Variants in ZNF215 observed in about 807,000 individuals in gnomAD.
ZNF215 encodes the protein zinc finger protein 215.
A neutral mutation model predicts 27.2 loss-of-function variants in ZNF215; 24 were observed. The observed-to-expected ratio is 0.88, with a 90% CI of 0.64 to 1.24. The LOEUF is 1.24. Ranked by LOEUF, ZNF215 falls within the 50% of genes most tolerant of loss-of-function variation. The pLI, the probability that ZNF215 is intolerant of heterozygous loss-of-function variation, is 0.00. For missense variants in ZNF215, 675 were observed against 605.7 expected, an observed-to-expected ratio of 1.11 and a Z score of -1.20; for synonymous variants, 210 against 204.0, an observed-to-expected ratio of 1.03 and a Z score of -0.25.
chr11:6,939,354 G>A (rs1849554728), intron 3 of ZNF215, among the ~76,000 whole-genome samples: 1 of 152,186 alleles, frequency 6.6e-6, no homozygotes, highest in African/African-American at 2.4e-5. Flanking sequence ...GTCATTCACA[G>A]TACATTAGGC....
chr11:6,979,503 A>G (rs955960319), intron 5 of ZNF215, among the ~76,000 whole-genome samples: 1 of 152,036 alleles, frequency 6.6e-6, no homozygotes, highest in African/African-American at 2.4e-5. Context: ...CTGTGTAAGC[A>G]GGAAAGACAA....
chr11:6,969,932 C>G (rs1019907461), intron 5 of ZNF215, among the ~76,000 whole-genome samples: 2 of 152,124 alleles, frequency 1.3e-5, no homozygotes, highest in Non-Finnish European at 2.9e-5. Flanking sequence ...AGGCACCCAC[C>G]ACCATGCCTG....
chr11:6,943,076 G>T lies in ZNF215; in HGVS notation c.484-7G>T. The T allele has an allele frequency of 6.2e-7, 1 of 1,608,828 alleles. No homozygotes were observed. On this transcript the variant is annotated splice_region_variant and splice_polypyrimidine_tract_variant and intron_variant, in intron 4 of 6. Coordinates refer to ENST00000278319, the MANE Select transcript of ZNF215 (RefSeq NM_013250.4). ...ACCTTTGATTAAAAAGGAACTTAAT[G>T]TTTTAGGAACCAGTGACATTCAAAG...
At chr11:6,951,947 T>C (rs1850088385) in intron 6 of ZNF215, among the ~76,000 whole-genome samples, 1 of 152,210 alleles carries the variant, frequency 6.6e-6, no homozygotes, top group Admixed American at 6.5e-5. Context: ...TTGTTCTCAC[T>C]GGTTTCAAAG....
intron 2 of ZNF215, among the ~76,000 whole-genome samples, chr11:6,931,411 C>T (rs377234722): frequency 6.6e-6 from 1 of 152,178 alleles, no homozygotes; most frequent in Non-Finnish European, 1.5e-5. Flanking sequence ...GCATATTATT[C>T]TTCTGCTAGC....
chr11:6,978,113 G>T (rs936112284), intron 5 of ZNF215, among the ~76,000 whole-genome samples: 2 of 151,976 alleles, frequency 1.3e-5, no homozygotes, highest in Non-Finnish European at 2.9e-5. Flanking sequence ...ATCTCCCATT[G>T]ATATGAAATG....
chr11:6,986,375 A>C (rs1028869666), downstream of ZNF215, among the ~76,000 whole-genome samples: 26 of 152,186 alleles, frequency 1.7e-4, no homozygotes, highest in African/African-American at 6.0e-4. Context: ...AACCAAAACT[A>C]ACTCAAGATG....
intron 6 of ZNF215, among the ~76,000 whole-genome samples, chr11:6,947,186 C>G (rs1036722080): frequency 6.6e-6 from 1 of 152,180 alleles, no homozygotes; most frequent in African/African-American, 2.4e-5. Context: ...TTTCATCTAT[C>G]TCCTCATCTA....
chr11:6,982,041 A>T (rs7951060), intron 5 of ZNF215, among the ~76,000 whole-genome samples: 5 of 151,716 alleles, frequency 3.3e-5, no homozygotes, highest in African/African-American at 4.9e-5. Flanking sequence ...GTCAGGTAGC[A>T]TGATGCCTCC....
chr11:6,974,557 C>G (rs1237078614), intron 5 of ZNF215, among the ~76,000 whole-genome samples: 6 of 152,000 alleles, frequency 3.9e-5, no homozygotes, highest in Non-Finnish European at 5.9e-5. Flanking sequence ...TGTTTGTATC[C>G]TCTTTTATTT....
chr11:6,978,743 G>A (rs893431934), intron 5 of ZNF215, among the ~76,000 whole-genome samples: 3 of 119,848 alleles, frequency 2.5e-5, no homozygotes, highest in Admixed American at 9.1e-5. Flanking sequence ...ACATAGCAAG[G>A]CTCCATCTCT....
downstream of ZNF215, among the ~76,000 whole-genome samples, chr11:6,961,290 C>G (rs904675185): frequency 8.6e-5 from 13 of 152,034 alleles, no homozygotes; most frequent in Admixed American, 7.2e-4. Flanking sequence ...AGATCTAAGT[C>G]TCATTATGAC....
At chr11:6,989,786 A>ATT (rs1851098102), downstream of ZNF215, among the ~76,000 whole-genome samples, 1 of 152,144 alleles carries the variant, frequency 6.6e-6, no homozygotes, top group Non-Finnish European at 1.5e-5. Flanking sequence ...ATCTGGTTCA[A>ATT]TTTTTATGTA....
At chr11:6,985,022 AG>A (rs1275207423), downstream of ZNF215, among the ~76,000 whole-genome samples, 1 of 152,134 alleles carries the variant, frequency 6.6e-6, no homozygotes, top group African/African-American at 2.4e-5. Flanking sequence ...AAAATTGAGG[AG>A]GGGGGCTCCT....
At chr11:6,962,314 G>A (rs112638334), downstream of ZNF215, among the ~76,000 whole-genome samples, 305 of 152,214 alleles carry the variant, frequency 2.0e-3, 1 homozygote, top group Middle Eastern at 6.8e-3. Flanking sequence ...TCCTGCCAGG[G>A]ACTCCCATTG....
At position 6,957,002 on chromosome 11, in the gene ZNF215, T is replaced by C; in HGVS notation, c.*471T>C. ...AAGAGAATACTTCTAAGGACAGAAA[T>C]CTCTGAATCAATGGCTAAGACAACA... On this transcript the variant is annotated 3_prime_UTR_variant, in exon 7 of 7. Transcript: ENST00000278319. 6 of 987,014 alleles carry C rather than the reference T, an allele frequency of 6.1e-6. No individual in the cohort carries two copies. Among genetic ancestry groups the C allele is most frequent in the Non-Finnish European group, 7.2e-6 (6 of 831,016 alleles). The allele number at this position is 987,014 out of a possible 1,614,324, so 61.1% of individuals were successfully genotyped here.
intron 5 of ZNF215, among the ~76,000 whole-genome samples, chr11:6,971,410 T>C (rs188362260): frequency 6.6e-6 from 1 of 152,262 alleles, no homozygotes; most frequent in African/African-American, 2.4e-5. Context: ...TACAGTCTTT[T>C]TATTGCAGTT....
chr11:6,954,863 A>T (rs952985705), intron 6 of ZNF215, among the ~76,000 whole-genome samples: 3 of 152,206 alleles, frequency 2.0e-5, no homozygotes, highest in Non-Finnish European at 4.4e-5. Flanking sequence ...AGCTGTTCCT[A>T]TTCGGCCATC....
At chr11:6,930,014 A>T (rs752378669) in intron 2 of ZNF215, among the ~76,000 whole-genome samples, 12 of 151,492 alleles carry the variant, frequency 7.9e-5, no homozygotes, top group Non-Finnish European at 1.3e-4. Context: ...TCTGTTGCTT[A>T]TATTGTTCCA....
Sources: allele counts gnomAD v4.1 joint callset (sites outside exome capture counted in the v4.1 genomes callset), GRCh38; gene constraint gnomAD v4.1.1; transcripts MANE v1.5; gene names NCBI Gene and HGNC (gene_info 2026-07-23, HGNC 2026-07-21).